TRHDE: variants seen among roughly 807,000 people sequenced by gnomAD.
TRHDE encodes the protein thyrotropin-releasing hormone-degrading ectoenzyme.
A neutral mutation model predicts 125.7 loss-of-function variants in TRHDE; 72 were observed. The ratio of observed to expected loss-of-function variants is 0.57; its 90% CI spans 0.47 to 0.70. TRHDE has a LOEUF of 0.70. Among genes scored for constraint, TRHDE ranks in the 30% least tolerant of loss-of-function variants. The pLI is 0.00. For synonymous variants in TRHDE, 509 were observed against 509.1 expected (o/e 1.00, Z 0.00); for missense variants, 1,110 against 1,327.1 (o/e 0.84, Z 2.54).
At position 72,378,552 on chromosome 12, in the gene TRHDE, T is replaced by C. The variant is rs115346345; in HGVS notation, c.1315+431T>C. ...GAAGGGGTTGGGATTTCAAACTAGG[T>C]CTTGATGACTCCCCGAACAACTCAA... On this transcript the variant is annotated intron_variant, in intron 3 of 18. Coordinates refer to ENST00000261180, the MANE Select transcript of TRHDE (RefSeq NM_013381.3). Among the ~76,000 whole-genome samples, 910 of 152,252 alleles carry C rather than the reference T, an allele frequency of 6.0e-3. 9 individuals are homozygous for C. Among genetic ancestry groups the C allele is most frequent in the African/African-American group, 0.02 (839 of 41,550 alleles).
intron 5 of TRHDE, among the ~76,000 whole-genome samples, chr12:72,490,558 T>C (rs193126354): frequency 6.6e-6 from 1 of 151,666 alleles, no homozygotes; most frequent in Admixed American, 6.6e-5. Context: ...AGCCAAGATA[T>C]TGAAACAGCC....
chr12:72,330,291 C>T (rs904237067), intron 2 of TRHDE, among the ~76,000 whole-genome samples: 3 of 151,728 alleles, frequency 2.0e-5, no homozygotes, highest in Admixed American at 6.6e-5. Context: ...CTCCCTACCC[C>T]CCACCTCCCA....
chr12:72,102,728 C>G (rs916566032), intron 1 of TRHDE, among the ~76,000 whole-genome samples: 1 of 152,110 alleles, frequency 6.6e-6, no homozygotes, highest in African/African-American at 2.4e-5. Flanking sequence ...TTAAAATATG[C>G]CCCTGTGAAG....
At chr12:72,317,811 C>A (rs1868877507) in intron 2 of TRHDE, among the ~76,000 whole-genome samples, 1 of 152,028 alleles carries the variant, frequency 6.6e-6, no homozygotes, top group South Asian at 2.1e-4. Context: ...CAACGGATAA[C>A]AATGGCATGC....
At chr12:72,167,299 T>C (rs1406343991) in intron 2 of TRHDE, among the ~76,000 whole-genome samples, 1 of 152,178 alleles carries the variant, frequency 6.6e-6, no homozygotes, top group Admixed American at 6.5e-5. Context: ...ATATATCAAC[T>C]AACTGCCCAA....
chr12:72,271,268 G>A (rs1879196826), upstream of TRHDE, among the ~76,000 whole-genome samples: 1 of 152,168 alleles, frequency 6.6e-6, no homozygotes, highest in Non-Finnish European at 1.5e-5. Flanking sequence ...AATATATGTA[G>A]TCAGGTTTTG....
At chr12:72,499,696 C>T in intron 6 of TRHDE, 61 bp downstream of exon 6, 2 of 1,576,492 alleles carry the variant, frequency 1.3e-6, no homozygotes, top group Non-Finnish European at 1.7e-6. Flanking sequence ...TAAACTAATT[C>T]ATGTTAGATG....
intron 2 of TRHDE, among the ~76,000 whole-genome samples, chr12:72,317,126 TAGAA>T (rs562912787): frequency 1.8e-4 from 28 of 152,314 alleles, no homozygotes; most frequent in South Asian, 1.2e-3. Context: ...AAGACAGTCT[TAGAA>T]AGTTAAAATT....
chr12:72,460,269 T>C (rs1441885413), intron 3 of TRHDE, among the ~76,000 whole-genome samples: 1 of 152,186 alleles, frequency 6.6e-6, no homozygotes, highest in African/African-American at 2.4e-5. Flanking sequence ...TCATCTTCAT[T>C]TTACAGGTGA....
chr12:72,575,708 T>TC (rs1823487512), intron 12 of TRHDE, among the ~76,000 whole-genome samples, 166 bp downstream of exon 12: 1 of 152,148 alleles, frequency 6.6e-6, no homozygotes, highest in Non-Finnish European at 1.5e-5. Context: ...TCCCAAACTT[T>TC]CTATCAATAA....
chr12:72,223,123 G>T (rs1050525273), intron 2 of TRHDE, among the ~76,000 whole-genome samples: 1 of 151,982 alleles, frequency 6.6e-6, no homozygotes, highest in Non-Finnish European at 1.5e-5. Context: ...GGCAATCTGG[G>T]ATCCCAATAT....
chr12:72,395,561 C>T (rs914699479), intron 3 of TRHDE, among the ~76,000 whole-genome samples: 1 of 152,034 alleles, frequency 6.6e-6, no homozygotes, highest in African/African-American at 2.4e-5. Flanking sequence ...AGGATCATGA[C>T]TCATCTCATA....
At chr12:72,183,967 G>T (rs1343640949) in intron 2 of TRHDE, among the ~76,000 whole-genome samples, 1 of 152,242 alleles carries the variant, frequency 6.6e-6, no homozygotes, top group African/African-American at 2.4e-5. Flanking sequence ...AGTGGAAAGT[G>T]TATATCAGCC....
intron 3 of TRHDE, among the ~76,000 whole-genome samples, chr12:72,433,344 C>A (rs1874583195): frequency 1.3e-5 from 2 of 152,044 alleles, no homozygotes; most frequent in African/African-American, 4.8e-5. Flanking sequence ...TTGTGAAGAA[C>A]TGATATTAAT....
At chr12:72,312,126 C>T (rs185398843) in intron 2 of TRHDE, among the ~76,000 whole-genome samples, 6 of 152,208 alleles carry the variant, frequency 3.9e-5, no homozygotes, top group East Asian at 1.9e-4. Flanking sequence ...GCATGCAAAG[C>T]GAAAGGAGCT....
At chr12:72,474,699 A>C (rs1185500169) in intron 5 of TRHDE, among the ~76,000 whole-genome samples, 1 of 152,048 alleles carries the variant, frequency 6.6e-6, no homozygotes, top group Non-Finnish European at 1.5e-5. Flanking sequence ...AATATTTTAT[A>C]CTGCTCTCTT....
intron 2 of TRHDE, among the ~76,000 whole-genome samples, chr12:72,303,795 A>G (rs1868296648): frequency 6.6e-6 from 1 of 152,150 alleles, no homozygotes; most frequent in Middle Eastern, 3.2e-3. Context: ...ATGTTGGGAA[A>G]TATAATCTTT....
chr12:72,392,804 T>G (rs1408690629), intron 3 of TRHDE, among the ~76,000 whole-genome samples: 1 of 152,192 alleles, frequency 6.6e-6, no homozygotes, highest in African/African-American at 2.4e-5. Flanking sequence ...GATTTATTTT[T>G]CTACATTTTT....
chr12:72,362,992 G>T (rs1406654182), intron 2 of TRHDE, among the ~76,000 whole-genome samples: 4 of 152,004 alleles, frequency 2.6e-5, no homozygotes, highest in Non-Finnish European at 4.4e-5. Flanking sequence ...TTGAAGTCAG[G>T]TAGCATGATG....
Sources: allele counts gnomAD v4.1 joint callset (sites outside exome capture counted in the v4.1 genomes callset), GRCh38; gene constraint gnomAD v4.1.1; transcripts MANE v1.5; gene names NCBI Gene and HGNC (gene_info 2026-07-23, HGNC 2026-07-21).